The following NSG2 variants were observed in gnomAD, a reference collection of about 807,000 sequenced individuals.
The protein encoded by NSG2 is neuronal vesicle trafficking-associated protein 2.
In NSG2, 4 loss-of-function variants were observed where a neutral mutation model predicts 16.9. The ratio of observed to expected loss-of-function variants is 0.24; its 90% CI spans 0.12 to 0.54. NSG2 has a LOEUF of 0.54. Among genes scored for constraint, NSG2 ranks in the 20% least tolerant of loss-of-function variants. The pLI, the probability that NSG2 is intolerant of heterozygous loss-of-function variation, is 0.95. For synonymous variants in NSG2, 98 were observed against 88.7 expected, an observed-to-expected ratio of 1.11 and a Z score of -0.59; for missense variants, 179 against 221.1, an observed-to-expected ratio of 0.81 and a Z score of 1.21.
chr5:174,062,784 T>A (rs906116609), intron 2 of NSG2: 1 of 152,222 alleles, frequency 6.6e-6, no homozygotes, highest in African/African-American at 2.4e-5. Flanking sequence ...CCCTTCCTTT[T>A]TGAGCTGCAT....
chr5:174,063,140 C>A (rs1760079247), intron 2 of NSG2, among the ~76,000 whole-genome samples: 1 of 152,208 alleles, frequency 6.6e-6, no homozygotes, highest in Non-Finnish European at 1.5e-5. Flanking sequence ...TCTCACTTAA[C>A]TCTCAAAGCA....
At position 174,064,301 on chromosome 5, in the gene NSG2, A is replaced by G. The variant is rs748527836; in HGVS notation, c.199A>G (p.Ile67Val). Residue 67 changes from isoleucine (I) to valine (V), a missense_variant, in exon 3 of 5, where the codon ATC becomes GTC. Physicochemically the swap from Ile to Val is conservative, Grantham distance 29. Coordinates refer to ENST00000303177, the MANE Select transcript of NSG2 (RefSeq NM_015980.5). ...KNKGKFRVPK[I>V]AEFTVTILVS... ...CAAAGGGAAGTTCCGGGTGCCGAAA[A>G]TCGCTGAATTTACGGTCAGTTTCTT... 1 of 1,611,040 alleles carries G rather than the reference A, an allele frequency of 6.2e-7. No individual in the cohort carries two copies. The highest frequency in any genetic ancestry group is 1.1e-5 in the South Asian group (1 of 90,428).
At chr5:174,082,090 A>G (rs1052864877) in intron 3 of NSG2, among the ~76,000 whole-genome samples, 2 of 152,208 alleles carry the variant, frequency 1.3e-5, no homozygotes, top group African/African-American at 4.8e-5. Flanking sequence ...AATAAATTTC[A>G]TTTGTACCCG....
Position 174,107,473 on chromosome 5 carries a change from G to A in NSG2, c.484G>A (p.Glu162Lys). The A allele has an allele frequency of 6.2e-7, 1 of 1,611,930 alleles. No individual in the cohort carries two copies. The highest frequency in any genetic ancestry group is 8.5e-7 in the Non-Finnish European group (1 of 1,178,452). The change falls in exon 5 of 5, where the codon GAG becomes AAG. Residue 162 changes from glutamate (E) to lysine (K), a missense_variant. Coordinates refer to ENST00000303177, the MANE Select transcript of NSG2 (RefSeq NM_015980.5). The surrounding 1 kb of genome is among the most constrained non-coding windows in gnomAD (Gnocchi z 4.5). ...GCTGTCAGCAGCCGCTGTCATCCAT[G>A]AGCCCAAGCCGCCCAAGACCCAGGG... ...PWLSAAAVIH[E>K]PKPPKTQGH
chr5:174,096,592 A>T (rs1233820607), intron 3 of NSG2, among the ~76,000 whole-genome samples: 1 of 152,160 alleles, frequency 6.6e-6, no homozygotes, highest in African/African-American at 2.4e-5. Flanking sequence ...AGGCAGTGTG[A>T]CCAAGCTGGC....
intron 2 of NSG2, among the ~76,000 whole-genome samples, chr5:174,055,834 C>G (rs938925036): frequency 6.6e-6 from 1 of 152,196 alleles, no homozygotes; most frequent in African/African-American, 2.4e-5. Context: ...CTTTCCCGCT[C>G]TATGCCTCAG....
Position 174,100,802 on chromosome 5 carries a change from G to C in NSG2, c.214-3426G>C, listed in dbSNP as rs745755713. 1.4e-3 allele frequency among the ~76,000 whole-genome samples: 217 copies of C among 152,342 alleles called. 1 individual carries two copies. The highest frequency in any genetic ancestry group is 2.5e-3 in the Non-Finnish European group (172 of 68,028). On this transcript the variant is annotated intron_variant, in intron 3 of 4. Coordinates refer to ENST00000303177, the MANE Select transcript of NSG2 (RefSeq NM_015980.5). ...ACCTGTCCCACAGGCAGGCTTGCTG[G>C]GTCCTGCACCAGCTCCTAGTGCCCC... is the stretch of plus-strand genomic sequence containing the variant.
At chr5:174,077,781 G>A (rs763010163) in intron 3 of NSG2, among the ~76,000 whole-genome samples, 13 of 152,086 alleles carry the variant, frequency 8.5e-5, no homozygotes, top group Non-Finnish European at 1.3e-4. Context: ...GGGCTCTTGC[G>A]GACAGAAACT....
chr5:174,095,719 C>T (rs1760786161), intron 3 of NSG2, among the ~76,000 whole-genome samples: 1 of 152,180 alleles, frequency 6.6e-6, no homozygotes, highest in Admixed American at 6.5e-5. Flanking sequence ...ACTTTCAGGT[C>T]CCACATGCAT....
At chr5:174,105,730 G>A (rs1383574558) in intron 4 of NSG2, among the ~76,000 whole-genome samples, 5 of 152,198 alleles carry the variant, frequency 3.3e-5, no homozygotes, top group Non-Finnish European at 5.9e-5. Flanking sequence ...GAGAAACCCC[G>A]TCTCTACTAA....
chr5:174,092,719 C>T (rs55885289), intron 3 of NSG2, among the ~76,000 whole-genome samples: 4,338 of 152,262 alleles, frequency 0.028, 62 homozygotes, highest in Non-Finnish European at 0.035. Flanking sequence ...GATAGTTTTT[C>T]GTACATTAGC....
chr5:174,053,342 AG>A (rs973615898), intron 2 of NSG2, among the ~76,000 whole-genome samples: 1 of 152,080 alleles, frequency 6.6e-6, no homozygotes, highest in African/African-American at 2.4e-5. Context: ...TGATAGGTTT[AG>A]AAGGAGACTG....
At chr5:174,065,621 A>C (rs1389676419) in intron 3 of NSG2, among the ~76,000 whole-genome samples, 1 of 152,220 alleles carries the variant, frequency 6.6e-6, no homozygotes, top group Non-Finnish European at 1.5e-5. Context: ...CAGTCATTCA[A>C]GTGAAAAAAC....
At position 174,107,381 on chromosome 5, in the gene NSG2, G is replaced by A. The variant is rs147555850; in HGVS notation, c.392G>A (p.Arg131His). The A allele has an allele frequency of 4.5e-5, 72 of 1,603,334 alleles. No homozygotes were observed. Among genetic ancestry groups the A allele is most frequent in the Non-Finnish European group, 5.5e-5 (65 of 1,171,504 alleles). ...YSSQDPNSRS[R>H]FYTVISHYSV... is the part of the protein sequence containing the mutation. ...TCCCAGGACCCCAATTCCAGAAGCC[G>A]CTTCTACACAGTCATCAGCCACTAC... Residue 131 changes from arginine (R) to histidine (H), a missense_variant, in exon 5 of 5, where the codon CGC becomes CAC. Physicochemically the swap from Arg to His is conservative, Grantham distance 29. Coordinates refer to ENST00000303177, the MANE Select transcript of NSG2 (RefSeq NM_015980.5). This position sits in a 1 kb window ranked among gnomAD's most constrained non-coding sequence, Gnocchi z 4.5.
intron 3 of NSG2, among the ~76,000 whole-genome samples, chr5:174,100,487 G>T (rs527964161): frequency 6.6e-6 from 1 of 152,316 alleles, no homozygotes; most frequent in South Asian, 2.1e-4. Flanking sequence ...TACCTGGACA[G>T]CCTTGTCCTG....
chr5:174,077,780 C>T (rs894660459), intron 3 of NSG2, among the ~76,000 whole-genome samples: 4 of 152,146 alleles, frequency 2.6e-5, no homozygotes, highest in East Asian at 1.9e-4. Context: ...TGGGCTCTTG[C>T]GGACAGAAAC....
At chr5:174,097,833 T>TTG (rs1225896276) in intron 3 of NSG2, among the ~76,000 whole-genome samples, 19 of 145,366 alleles carry the variant, frequency 1.3e-4, no homozygotes, top group African/African-American at 4.3e-4. Flanking sequence ...GTGTGTCTCT[T>TTG]TGTGTGTGTC....
intron 2 of NSG2, among the ~76,000 whole-genome samples, chr5:174,051,830 C>A (rs1759893991): frequency 2.6e-5 from 4 of 152,114 alleles, no homozygotes; most frequent in Admixed American, 2.6e-4. Context: ...ATATAGGGGA[C>A]CTAATTATAA....
At chr5:174,078,276 CCACA>C (rs368501074) in intron 3 of NSG2, among the ~76,000 whole-genome samples, 7 of 149,598 alleles carry the variant, frequency 4.7e-5, no homozygotes, top group South Asian at 2.1e-4. Flanking sequence ...CGCACACACA[CCACA>C]CACACACACA....
Sources: gnomAD v4.1 joint callset for allele counts (sites outside exome capture counted in the v4.1 genomes callset) on GRCh38, gnomAD v4.1.1 for gene constraint, Gnocchi (gnomAD v3.1) non-coding constraint, MANE v1.5 for transcripts, NCBI Gene and HGNC (gene_info 2026-07-23, HGNC 2026-07-21) for gene names.